Variants in ZNF143 observed in about 807,000 individuals in gnomAD.
ZNF143 encodes the protein SPH-binding factor.
A neutral mutation model predicts 74.1 loss-of-function variants in ZNF143; 49 were observed. The ratio of observed to expected loss-of-function variants is 0.66; its 90% confidence interval spans 0.53 to 0.84. The LOEUF (loss-of-function observed/expected upper bound fraction) is 0.84, where lower values mean the gene tolerates loss of function less well. ZNF143 is among the 40% of genes least tolerant of loss of function. The probability of loss-of-function intolerance (pLI) is 0.00; values close to 1 mark genes in which losing one functional copy is unlikely to be tolerated. For synonymous variants in ZNF143, 304 were observed against 282.8 expected (o/e 1.07, Z -0.75); for missense variants, 637 against 793.4 (o/e 0.80, Z 2.37).
At chr11:9,461,503 C>A in intron 1 of ZNF143, 1 of 152,232 alleles carries the variant, frequency 6.6e-6, no homozygotes, top group Non-Finnish European at 1.5e-5. Flanking sequence ...ACGCCGGGCC[C>A]ACGGGCCACA....
intron 5 of ZNF143, among the ~76,000 whole-genome samples, chr11:9,476,116 T>TA (rs1159257606): frequency 1.3e-5 from 2 of 152,174 alleles, no homozygotes; most frequent in Non-Finnish European, 2.9e-5. Flanking sequence ...GAATGATGAG[T>TA]ACAGCTCTGC....
chr11:9,486,403 T>TA (rs1565039024), intron 7 of ZNF143, among the ~76,000 whole-genome samples: 29 of 17,128 alleles, frequency 1.7e-3, no homozygotes, highest in South Asian at 5.8e-3. Flanking sequence ...TATAATATAT[T>TA]ATATATATAA....
chr11:9,501,296 T>G lies in ZNF143; in HGVS notation c.1147+26T>G, dbSNP rs1301218543. On this transcript the variant is annotated intron_variant, in intron 11 of 15. Transcript: ENST00000396602. ...GTAACAATCTCTGATCTTTTGGTCT[T>G]TTATCTTTCAAGGCTCAGTTTAACT... The G allele has an allele frequency of 3.1e-6, 5 of 1,607,634 alleles. No homozygotes were observed. In the South Asian group the frequency reaches 4.4e-5, roughly 14 times the overall value.
Position 9,474,024 on chromosome 11 carries a change from A to G in ZNF143, c.289A>G (p.Thr97Ala). ...YVQHVPIPKSTGDSLRLEDGQ... is the reference protein window; with the variant it reads ...YVQHVPIPKSAGDSLRLEDGQ... ...TCAACATGTACCCATACCTAAAAGT[A>G]GTAAGTATTTAAGATAACAGCACGG... is the stretch of plus-strand genomic sequence containing the variant. Residue 97 changes from threonine to alanine, a missense_variant and splice_region_variant, in exon 4 of 16, where the codon ACA (threonine) becomes GCA (alanine). By Grantham distance (58) the Thr-to-Ala change is moderately conservative. Transcript: ENST00000396602. The G allele has an allele frequency of 6.8e-6, 11 of 1,609,262 alleles. No homozygotes were observed. Among genetic ancestry groups the G allele is most frequent in the Non-Finnish European group, 9.4e-6 (11 of 1,175,852 alleles).
chr11:9,492,300 C>T (rs1434481512), intron 7 of ZNF143, among the ~76,000 whole-genome samples: 16 of 151,978 alleles, frequency 1.1e-4, no homozygotes, highest in South Asian at 2.1e-4. Flanking sequence ...TTAGTAGAGA[C>T]AGGGTTTCGC....
chr11:9,478,710 G>A (rs1049929475), intron 6 of ZNF143, 124 bp downstream of exon 6: 15 of 1,111,454 alleles, frequency 1.3e-5, no homozygotes, highest in East Asian at 5.1e-5. Context: ...TGGGCATGGC[G>A]TGATGGCTCA....
intron 15 of ZNF143, among the ~76,000 whole-genome samples, chr11:9,527,234 A>T (rs1268542528): frequency 6.6e-6 from 1 of 152,176 alleles, no homozygotes; most frequent in Non-Finnish European, 1.5e-5. Context: ...CACCTCCCAA[A>T]GTGTTGGGAT....
chr11:9,474,949 A>C (rs1265120538), intron 5 of ZNF143, among the ~76,000 whole-genome samples: 1 of 152,042 alleles, frequency 6.6e-6, no homozygotes, highest in African/African-American at 2.4e-5. Flanking sequence ...TTGTGGTGGC[A>C]CAAGCACAGC....
intron 8 of ZNF143, among the ~76,000 whole-genome samples, chr11:9,496,099 C>T (rs769060557): frequency 6.6e-6 from 1 of 152,162 alleles, no homozygotes; most frequent in Non-Finnish European, 1.5e-5. Flanking sequence ...CTACTTAAAA[C>T]ATTAGTAACT....
chr11:9,517,425 A>C (rs1176706518), intron 14 of ZNF143, among the ~76,000 whole-genome samples: 1 of 152,108 alleles, frequency 6.6e-6, no homozygotes, highest in Non-Finnish European at 1.5e-5. Flanking sequence ...GTGTGAGTAG[A>C]TATGCTAGAT....
In ZNF143 at chr11:9,476,518, G is replaced by A. The variant is rs538786773; in HGVS notation, c.374-1872G>A. Among the ~76,000 whole-genome samples, 541 of 150,468 alleles carry A rather than the reference G, an allele frequency of 3.6e-3. 2 individuals are homozygous for A. The highest frequency in any genetic ancestry group is 5.5e-3 in the Non-Finnish European group (369 of 67,428). ...CTCCCAAGTAGCTGAGATTACAGGT[G>A]CCCGCCACTACACCCGGCTAATTTT... On this transcript the variant is annotated intron_variant, in intron 5 of 15. Transcript: ENST00000396602.
At chr11:9,481,421 T>C (rs1156389878) in intron 7 of ZNF143, among the ~76,000 whole-genome samples, 1 of 151,998 alleles carries the variant, frequency 6.6e-6, no homozygotes, top group Non-Finnish European at 1.5e-5. Flanking sequence ...CAGTATTTTT[T>C]ATACAGTTCT....
chr11:9,504,054 C>A (rs887872375), intron 11 of ZNF143, among the ~76,000 whole-genome samples: 1 of 147,746 alleles, frequency 6.8e-6, no homozygotes, highest in African/African-American at 2.5e-5. Flanking sequence ...CCACCTCCCA[C>A]GTTCAAGCAA....
Position 9,474,037 on chromosome 11 carries a change from G to A in ZNF143, c.289+13G>A. 1.3e-6 allele frequency: 2 copies of A among 1,593,960 alleles called. No individual in the cohort carries two copies. Among genetic ancestry groups the A allele is most frequent in the Non-Finnish European group, 1.7e-6 (2 of 1,162,236 alleles). On this transcript the variant is annotated intron_variant, in intron 4 of 15. Coordinates refer to ENST00000396602, the MANE Select transcript of ZNF143 (RefSeq NM_003442.6). ...ATACCTAAAAGTAGTAAGTATTTAA[G>A]ATAACAGCACGGGAAACCATTTTAA...
At chr11:9,465,664 T>C (rs992969767) in intron 1 of ZNF143, among the ~76,000 whole-genome samples, 57 of 147,082 alleles carry the variant, frequency 3.9e-4, no homozygotes, top group African/African-American at 1.4e-3. Flanking sequence ...CACGCCTGGC[T>C]AATTTTTTTT....
At chr11:9,497,473 C>T (rs1033148752) in intron 9 of ZNF143, among the ~76,000 whole-genome samples, 30 of 152,262 alleles carry the variant, frequency 2.0e-4, no homozygotes, top group Middle Eastern at 3.4e-3. Context: ...TCAGGTGATC[C>T]GCCCGCCTTG....
intron 7 of ZNF143, among the ~76,000 whole-genome samples, chr11:9,480,502 G>C (rs1486621865): frequency 6.6e-6 from 1 of 152,072 alleles, no homozygotes; most frequent in Non-Finnish European, 1.5e-5. Context: ...TAGTGACATT[G>C]AGTGATACTG....
At position 9,496,317 on chromosome 11, in the gene ZNF143, A is replaced by G. The variant is rs1847955730; in HGVS notation, c.780A>G (p.Ser260=). 1.1e-5 allele frequency: 17 copies of G among 1,614,044 alleles called. No homozygotes were observed. The highest frequency in any genetic ancestry group is 1.4e-5 in the Non-Finnish European group (16 of 1,180,012). The change falls in exon 9 of 16, where the codon TCA becomes TCG. Residue 260 remains serine, a synonymous_variant. Coordinates refer to ENST00000396602, the MANE Select transcript of ZNF143 (RefSeq NM_003442.6). Reference sequence around the variant, plus strand: ...TTTAATCACAGGTCCATGAGAGGTCACACACAGGAGATCGGCCTTATCAGT... The same window carrying G: ...TTTAATCACAGGTCCATGAGAGGTCGCACACAGGAGATCGGCCTTATCAGT... ...TAHHLKVHER[S]HTGDRPYQCE... is the part of the protein sequence containing the mutation.
At chr11:9,475,012 G>C (rs1856793393) in intron 5 of ZNF143, among the ~76,000 whole-genome samples, 1 of 152,100 alleles carries the variant, frequency 6.6e-6, no homozygotes, top group Non-Finnish European at 1.5e-5. Flanking sequence ...TCAGCCTCCT[G>C]AATAGCTGGG....
Sources: allele counts gnomAD v4.1 joint callset (sites outside exome capture counted in the v4.1 genomes callset), GRCh38; gene constraint gnomAD v4.1.1; transcripts MANE v1.5; gene names NCBI Gene and HGNC (gene_info 2026-07-23, HGNC 2026-07-21).